The following PRELID2 variants were observed in gnomAD, a reference collection of about 807,000 sequenced individuals.
PRELID2 encodes PRELI domain-containing protein 2.
PRELID2 carries 25 observed loss-of-function variants against 28.4 expected under a neutral mutation model. That is an observed-to-expected ratio of 0.88 (90% CI 0.64 to 1.23). The LOEUF is 1.23. Among genes scored for constraint, PRELID2 ranks in the 50% most tolerant of loss-of-function variants. The pLI is 0.00. For synonymous variants in PRELID2, 76 were observed against 71.6 expected (o/e 1.06, Z -0.31); for missense variants, 201 against 214.4 (o/e 0.94, Z 0.39).
the PRELID2 span, among the ~76,000 whole-genome samples, chr5:145,253,263 A>T: frequency 2.2e-4 from 34 of 152,286 alleles, no homozygotes; most frequent in African/African-American, 7.5e-4. Context: ...GTGGTTGACT[A>T]TTTACTTAAA....
In PRELID2 at chr5:145,817,436, T is replaced by TATATATATATATATAA. The variant is rs1188916659; in HGVS notation, c.368+457_368+458insTTATATATATATATAT. Among the ~76,000 whole-genome samples the TATATATATATATATAA allele has an allele frequency of 1.3e-4, 18 of 138,910 alleles. 1 individual carries two copies. In the Middle Eastern group the frequency reaches 0.019, roughly 144 times the overall value. 91.1% of individuals were successfully genotyped at this position (138,910 alleles called of 152,430 possible). ...TAAGCTAGTTTTATATATATATATA[T>TATATATATATATATAA]ATATATATATATCACATGGTTTAAG... is the stretch of plus-strand genomic sequence containing the variant. On this transcript the variant is annotated intron_variant, in intron 4 of 6. Coordinates refer to ENST00000683046, the MANE Select transcript of PRELID2 (RefSeq NM_205846.3).
chr5:145,658,370 A>C (rs545043215), intron 1 of PRELID2, among the ~76,000 whole-genome samples: 3 of 152,304 alleles, frequency 2.0e-5, no homozygotes, highest in African/African-American at 7.2e-5. Context: ...TGGAGCATGC[A>C]TTTCCATTGA....
At chr5:145,656,936 C>T (rs1754406450) in intron 1 of PRELID2, among the ~76,000 whole-genome samples, 1 of 152,072 alleles carries the variant, frequency 6.6e-6, no homozygotes, top group Admixed American at 6.6e-5. Context: ...GACACAGACT[C>T]TCTGTTCTTA....
At chr5:145,490,103 T>C (rs1393299539) in intron 1 of PRELID2, among the ~76,000 whole-genome samples, 1 of 152,244 alleles carries the variant, frequency 6.6e-6, no homozygotes, top group Non-Finnish European at 1.5e-5. Context: ...AACTGAGCTA[T>C]CATCACACCT....
chr5:145,772,191 TC>T (rs1758149595), intron 5 of PRELID2, among the ~76,000 whole-genome samples: 1 of 149,774 alleles, frequency 6.7e-6, no homozygotes, highest in Non-Finnish European at 1.5e-5. Context: ...CCCTCCCATC[TC>T]CCCTTTTTTT....
At chr5:145,833,770 C>T (rs1490796637) in intron 1 of PRELID2, among the ~76,000 whole-genome samples, 1 of 152,212 alleles carries the variant, frequency 6.6e-6, no homozygotes, top group African/African-American at 2.4e-5. Flanking sequence ...AGTTTGGCTT[C>T]CGGGTTGCAT....
intron 1 of PRELID2, among the ~76,000 whole-genome samples, chr5:145,677,989 G>C (rs1754854078): frequency 6.6e-6 from 1 of 152,160 alleles, no homozygotes; most frequent in African/African-American, 2.4e-5. Context: ...ATCTTTTCTT[G>C]AGAGTCAGTG....
the PRELID2 span, among the ~76,000 whole-genome samples, chr5:145,399,116 T>C: frequency 6.6e-6 from 1 of 152,084 alleles, no homozygotes; most frequent in Non-Finnish European, 1.5e-5. Flanking sequence ...CTCTCAAATC[T>C]CCCATATATT....
chr5:145,790,875 GC>G (rs1169680786), intron 5 of PRELID2, among the ~76,000 whole-genome samples: 1 of 128,818 alleles, frequency 7.8e-6, no homozygotes, highest in African/African-American at 2.7e-5. Context: ...AATTAATCCA[GC>G]AATTTCACTT....
chr5:145,661,645 C>T lies in PRELID2; in HGVS notation n.70+103286G>A, dbSNP rs563903993. 2.3e-3 allele frequency among the ~76,000 whole-genome samples: 286 copies of T among 122,836 alleles called. 3 individuals carry two copies. Among genetic ancestry groups the T allele is most frequent in the Middle Eastern group, 0.012 (2 of 164 alleles). The allele number at this position is 122,836 out of a possible 152,430, so 80.6% of individuals were successfully genotyped here. A position where few individuals can be genotyped will look rare whatever the true frequency, so the allele number is the denominator to read the frequency against. The stretch of plus-strand genomic sequence containing the variant: ...TCACACCGTGGACATGATTCCAGGA[C>T]GTTAAAAACAAACAAGCCATTAAAA... On this transcript the variant is annotated intron_variant and non_coding_transcript_variant, in intron 1 of 2. Transcript: ENST00000510259.
chr5:145,539,168 T>C (rs1403230064), intron 1 of PRELID2, among the ~76,000 whole-genome samples: 1 of 151,996 alleles, frequency 6.6e-6, no homozygotes, highest in African/African-American at 2.4e-5. Context: ...GCAGTGTTTA[T>C]ATAACACGTG....
intron 1 of PRELID2, among the ~76,000 whole-genome samples, chr5:145,475,597 G>T (rs867337379): frequency 5.3e-5 from 8 of 152,078 alleles, no homozygotes; most frequent in Non-Finnish European, 1.0e-4. Flanking sequence ...CACAGCACAG[G>T]CTAATGTAAA....
At chr5:145,431,022 T>G in the PRELID2 span, among the ~76,000 whole-genome samples, 40 of 147,526 alleles carry the variant, frequency 2.7e-4, no homozygotes, top group African/African-American at 1.0e-3. Context: ...TTTTTTTTTT[T>G]TTTTTTTTTT....
the PRELID2 span, among the ~76,000 whole-genome samples, chr5:145,306,695 T>A: frequency 2.0e-5 from 3 of 152,070 alleles, no homozygotes; most frequent in African/African-American, 7.2e-5. Context: ...ATCTTGATTA[T>A]AATAATATAA....
rs1230204985 is a variant in PRELID2, at chr5:145,741,328, TTA to T, written n.70+23601_70+23602del. Among the ~76,000 whole-genome samples the T allele has an allele frequency of 3.1e-4, 10 of 32,586 alleles. No homozygotes were observed. The Admixed American group carries it at 4.2e-3, about 14-fold the overall frequency. The allele number at this position is 32,586 out of a possible 152,430, so 21.4% of individuals were successfully genotyped here. ...AATAATTTATTTATAAATAAATTAT[TTA>T]TATATAAATAAAATTTATTAATAAA... On this transcript the variant is annotated intron_variant and non_coding_transcript_variant, in intron 1 of 2. Coordinates refer to the PRELID2 transcript ENST00000510259.
At chr5:145,230,766 A>G in the PRELID2 span, among the ~76,000 whole-genome samples, 6 of 152,176 alleles carry the variant, frequency 3.9e-5, no homozygotes, top group Non-Finnish European at 8.8e-5. Flanking sequence ...AGATTTTTCA[A>G]GAGGCTGTGC....
At chr5:145,291,950 A>G in the PRELID2 span, among the ~76,000 whole-genome samples, 328 of 152,284 alleles carry the variant, frequency 2.2e-3, 2 homozygotes, top group African/African-American at 7.6e-3. Context: ...TGTGGGTCTG[A>G]GCAACAAATT....
At chr5:145,813,382 C>T (rs1322377384) in intron 4 of PRELID2, among the ~76,000 whole-genome samples, 1 of 152,184 alleles carries the variant, frequency 6.6e-6, no homozygotes, top group African/African-American at 2.4e-5. Flanking sequence ...GCTAAGGAAA[C>T]ATAAGTTCTC....
intron 1 of PRELID2, among the ~76,000 whole-genome samples, chr5:145,509,991 T>C (rs1462576117): frequency 2.6e-5 from 4 of 152,184 alleles, no homozygotes; most frequent in African/African-American, 9.7e-5. Flanking sequence ...TGTGATACCA[T>C]TGTGTGAAGC....
Sources: allele counts gnomAD v4.1 joint callset (sites outside exome capture counted in the v4.1 genomes callset), GRCh38; gene constraint gnomAD v4.1.1; transcripts MANE v1.5; gene names NCBI Gene and HGNC (gene_info 2026-07-23, HGNC 2026-07-21).